The following KALRN variants were observed in gnomAD, a reference collection of about 807,000 sequenced individuals.
KALRN encodes the protein kalirin RhoGEF kinase, also known as kalirin.
In KALRN, 70 loss-of-function variants were observed where a neutral mutation model predicts 353.7. That is an observed-to-expected ratio of 0.20 (90% CI 0.16 to 0.24). The LOEUF (loss-of-function observed/expected upper bound fraction) is 0.24, where lower values mean the gene tolerates loss of function less well. Ranked by LOEUF, KALRN falls within the 10% of genes least tolerant of loss-of-function variation. The probability of loss-of-function intolerance (pLI) is 1.00; values close to 1 mark genes in which losing one functional copy is unlikely to be tolerated. For missense variants in KALRN, 2,791 were observed against 3,756.7 expected, an observed-to-expected ratio of 0.74 and a Z score of 6.72; for synonymous variants, 1,391 against 1,434.8, an observed-to-expected ratio of 0.97 and a Z score of 0.69.
At chr3:124,491,445 G>A in intron 31 of KALRN, 21 bp downstream of exon 31, 3 of 1,536,334 alleles carry the variant, frequency 2.0e-6, no homozygotes, top group Non-Finnish European at 2.7e-6. Flanking sequence ...CTCTCTGCTA[G>A]GCACAAACTA....
At chr3:124,201,596 G>A (rs974492037) in intron 1 of KALRN, among the ~76,000 whole-genome samples, 1 of 152,160 alleles carries the variant, frequency 6.6e-6, no homozygotes, top group African/African-American at 2.4e-5. Flanking sequence ...CATTTATAAA[G>A]TCTTGGTGTA....
intron 1 of KALRN, among the ~76,000 whole-genome samples, chr3:124,133,329 C>T (rs2065531044): frequency 6.6e-6 from 1 of 151,954 alleles, no homozygotes; most frequent in Non-Finnish European, 1.5e-5. Flanking sequence ...CAACCTTCCT[C>T]TCTCCCCCAC....
chr3:124,112,809 C>T (rs1406776794), intron 1 of KALRN, among the ~76,000 whole-genome samples: 1 of 151,946 alleles, frequency 6.6e-6, no homozygotes, highest in African/African-American at 2.4e-5. Context: ...TATTTTTGGT[C>T]ACGAGCAGCT....
chr3:124,119,597 G>C (rs2063775484), intron 1 of KALRN, among the ~76,000 whole-genome samples: 1 of 152,236 alleles, frequency 6.6e-6, no homozygotes, highest in Admixed American at 6.5e-5. Flanking sequence ...GGATGGGGGA[G>C]GAGGCAGGAC....
chr3:124,144,548 C>G (rs1180269506), intron 1 of KALRN, among the ~76,000 whole-genome samples: 4 of 151,882 alleles, frequency 2.6e-5, no homozygotes, highest in Admixed American at 2.0e-4. Context: ...CCTCCTCTTC[C>G]TCATCATCCT....
intron 6 of KALRN, among the ~76,000 whole-genome samples, chr3:124,306,538 A>T (rs1272295158): frequency 6.6e-6 from 1 of 151,660 alleles, no homozygotes; most frequent in South Asian, 2.1e-4. Context: ...TGGCAGTACC[A>T]AAAGGAGAGG....
chr3:124,418,945 T>A (rs969044050), intron 14 of KALRN, among the ~76,000 whole-genome samples: 2 of 152,086 alleles, frequency 1.3e-5, no homozygotes, highest in African/African-American at 4.8e-5. Context: ...TTTTTTTTTT[T>A]AATTCTCCAG....
At chr3:124,366,715 T>C (rs960356367) in intron 10 of KALRN, among the ~76,000 whole-genome samples, 4 of 152,156 alleles carry the variant, frequency 2.6e-5, no homozygotes, top group Admixed American at 6.5e-5. Flanking sequence ...CAATGAGCTG[T>C]TGGGCACACC....
At chr3:124,201,790 C>T (rs2075968784) in intron 1 of KALRN, among the ~76,000 whole-genome samples, 2 of 152,192 alleles carry the variant, frequency 1.3e-5, no homozygotes, top group African/African-American at 4.8e-5. Flanking sequence ...CTTTTGAGGA[C>T]TTATAAATTA....
chr3:124,709,236 A>C (rs1022480977), intron 57 of KALRN, among the ~76,000 whole-genome samples: 1 of 152,208 alleles, frequency 6.6e-6, no homozygotes, highest in African/African-American at 2.4e-5. Flanking sequence ...GCAATAAAAA[A>C]GAAACAAAAA....
At chr3:124,640,797 G>C (rs2081957773) in intron 37 of KALRN, among the ~76,000 whole-genome samples, 1 of 152,166 alleles carries the variant, frequency 6.6e-6, no homozygotes, top group East Asian at 1.9e-4. Context: ...GTTGCAAAGA[G>C]CAACTAACTC....
chr3:124,175,776 G>A (rs2072642575), intron 1 of KALRN, among the ~76,000 whole-genome samples: 1 of 152,222 alleles, frequency 6.6e-6, no homozygotes. Flanking sequence ...CACAGACGTG[G>A]TTGCCTTGCT....
intron 23 of KALRN, 42 bp downstream of exon 23, chr3:124,456,770 T>C (rs372709785): frequency 1.7e-5 from 23 of 1,388,130 alleles, no homozygotes; most frequent in Non-Finnish European, 2.3e-5. Flanking sequence ...TCCCCGTGAC[T>C]ATGCTGGGCT....
intron 3 of KALRN, among the ~76,000 whole-genome samples, chr3:124,247,292 C>T (rs2070429380): frequency 6.6e-6 from 1 of 152,144 alleles, no homozygotes; most frequent in African/African-American, 2.4e-5. Context: ...TGGGATTTTC[C>T]AAGCTTTACT....
chr3:124,094,592 G>T (rs1577988332), intron 1 of KALRN: 1 of 551,040 alleles, frequency 1.8e-6, no homozygotes, highest in East Asian at 3.0e-5. Context: ...ACCTCCCCTT[G>T]GGTCCAGGCA....
chr3:124,387,320 G>A (rs2149973386), intron 11 of KALRN, among the ~76,000 whole-genome samples: 1 of 152,316 alleles, frequency 6.6e-6, no homozygotes, highest in Non-Finnish European at 1.5e-5. Flanking sequence ...TAGAAGGAGT[G>A]GTGTGATACA....
chr3:124,310,091 C>T (rs566876084), intron 6 of KALRN, among the ~76,000 whole-genome samples: 1 of 151,940 alleles, frequency 6.6e-6, no homozygotes, highest in African/African-American at 2.4e-5. Flanking sequence ...AATGAATAAA[C>T]AAAAATTAAT....
intron 34 of KALRN, among the ~76,000 whole-genome samples, chr3:124,583,368 A>C (rs2074813716): frequency 1.3e-5 from 2 of 152,298 alleles, no homozygotes; most frequent in South Asian, 4.2e-4. Context: ...ACAGTGGTTC[A>C]TGGAAAGGTC....
intron 17 of KALRN, among the ~76,000 whole-genome samples, chr3:124,434,983 C>T (rs1424390983): frequency 1.3e-5 from 2 of 152,216 alleles, no homozygotes; most frequent in Admixed American, 6.5e-5. Context: ...GTTCCCATGT[C>T]TCTTGTCCTC....
Sources: gnomAD v4.1 joint callset for allele counts (sites outside exome capture counted in the v4.1 genomes callset) on GRCh38, gnomAD v4.1.1 for gene constraint, MANE v1.5 for transcripts, NCBI Gene and HGNC (gene_info 2026-07-23, HGNC 2026-07-21) for gene names.